Variants in DERA observed in about 807,000 individuals in gnomAD.
The protein encoded by DERA is deoxyribose-phosphate aldolase.
DERA carries 15 observed loss-of-function variants against 41.1 expected under a neutral mutation model. The observed-to-expected ratio is 0.37, with a 90% confidence interval of 0.24 to 0.56. The LOEUF is 0.56. Ranked by LOEUF, DERA falls within the 20% of genes least tolerant of loss-of-function variation. DERA has a pLI of 0.81. For synonymous variants in DERA, 139 were observed against 137.4 expected, an observed-to-expected ratio of 1.01 and a Z score of -0.08; for missense variants, 396 against 403.4, an observed-to-expected ratio of 0.98 and a Z score of 0.16.
At position 16,004,133 on chromosome 12, in the gene DERA, A is replaced by G. The variant is rs1592045799; in HGVS notation, c.637+21697A>G. On this transcript the variant is annotated intron_variant, in intron 6 of 8. Transcript: ENST00000428559. The surrounding 1 kb of genome is among the most constrained non-coding windows in gnomAD (Gnocchi z 4.2). The stretch of plus-strand genomic sequence containing the variant: ...AACTTTTGGAATGCAATCTATTTCT[A>G]GGTTGGAGAATGGCATTACTAAACT... 6.6e-6 allele frequency among the ~76,000 whole-genome samples: 1 copy of G among 152,216 alleles called. No individual in the cohort carries two copies. Among genetic ancestry groups the G allele is most frequent in the East Asian group, 1.9e-4 (1 of 5,194 alleles).
chr12:15,993,139 T>C lies in DERA; in HGVS notation c.637+10703T>C, dbSNP rs1214711501. Among the ~76,000 whole-genome samples, 1 of 151,630 alleles carries C rather than the reference T, an allele frequency of 6.6e-6. No individual in the cohort carries two copies. The highest frequency in any genetic ancestry group is 1.5e-5 in the Non-Finnish European group (1 of 67,890). On this transcript the variant is annotated intron_variant, in intron 6 of 8. Transcript: ENST00000428559. This position sits in a 1 kb window ranked among gnomAD's most constrained non-coding sequence, Gnocchi z 4.4. ...AAAATTCAACCCAATAAGATCAAAGTAATACAGAAACAATGAGAGGAAGCG... is the reference window on the plus strand; with the variant it reads ...AAAATTCAACCCAATAAGATCAAAGCAATACAGAAACAATGAGAGGAAGCG...
intron 1 of DERA, among the ~76,000 whole-genome samples, chr12:15,927,915 G>A (rs570385744): frequency 1.4e-4 from 21 of 152,110 alleles, no homozygotes; most frequent in Non-Finnish European, 2.6e-4. Context: ...AACCATATAA[G>A]GGAAGAAAAA....
chr12:15,938,484 TA>T lies in DERA; in HGVS notation c.32-18450del, dbSNP rs752360505. 3.5e-4 allele frequency among the ~76,000 whole-genome samples: 53 copies of T among 152,336 alleles called. No individual in the cohort carries two copies. The highest frequency in any genetic ancestry group is 6.8e-4 in the Non-Finnish European group (46 of 68,014). On this transcript the variant is annotated intron_variant, in intron 1 of 8. Transcript: ENST00000428559. This position sits in a 1 kb window ranked among gnomAD's most constrained non-coding sequence, Gnocchi z 4.1. ...CACAAGTTGAATTATTACTCTGCTT[TA>T]ATAAGCTTCTTAGCTGTATCAATCT... is the stretch of plus-strand genomic sequence containing the variant.
At chr12:15,951,296 G>C (rs780748132) in intron 1 of DERA, 1 of 152,316 alleles carries the variant, frequency 6.6e-6, no homozygotes, top group African/African-American at 2.4e-5. Flanking sequence ...CTGGGGGCCT[G>C]TGGTGAAGAT....
In DERA at chr12:15,966,472, A is replaced by G. The variant is rs1948623823; in HGVS notation, c.508+3525A>G. ...GAGTGAGATTCCCTCTCAAAAAAAA[A>G]AAAAAGAATTCTGCAAAGAGTTATA... On this transcript the variant is annotated intron_variant, in intron 5 of 8. Coordinates refer to ENST00000428559, the MANE Select transcript of DERA (RefSeq NM_015954.4). The surrounding 1 kb of genome is among the most constrained non-coding windows in gnomAD (Gnocchi z 5.1). Among the ~76,000 whole-genome samples, 1 of 152,134 alleles carries G rather than the reference A, an allele frequency of 6.6e-6. No individual in the cohort carries two copies. Among genetic ancestry groups the G allele is most frequent in the Non-Finnish European group, 1.5e-5 (1 of 68,026 alleles).
chr12:16,002,998 C>T (rs1948886265), intron 6 of DERA, among the ~76,000 whole-genome samples: 1 of 152,178 alleles, frequency 6.6e-6, no homozygotes, highest in Non-Finnish European at 1.5e-5. Flanking sequence ...AACCCCTTAT[C>T]ACCACAAACT....
rs1198007941 is a variant in DERA, at chr12:15,941,780, C to T, written c.32-15156C>T. Among the ~76,000 whole-genome samples, 1 of 152,224 alleles carries T rather than the reference C, an allele frequency of 6.6e-6. No individual in the cohort carries two copies. The highest frequency in any genetic ancestry group is 2.4e-5 in the African/African-American group (1 of 41,458). On this transcript the variant is annotated intron_variant, in intron 1 of 8. Coordinates refer to ENST00000428559, the MANE Select transcript of DERA (RefSeq NM_015954.4). The surrounding 1 kb of genome is among the most constrained non-coding windows in gnomAD (Gnocchi z 4.5). Reference sequence around the variant, plus strand: ...CTTTATCCACTTATTGATTCATGGGCACTTAGGTTGATTCCGTATCTTTGC... The same window carrying T: ...CTTTATCCACTTATTGATTCATGGGTACTTAGGTTGATTCCGTATCTTTGC...
In DERA at chr12:15,959,911, C is replaced by A. The variant is rs1261230085; in HGVS notation, c.360C>A (p.Ile120=). 4 of 1,545,958 alleles carry A rather than the reference C, an allele frequency of 2.6e-6. No homozygotes were observed. Among genetic ancestry groups the A allele is most frequent in the Admixed American group, 2.0e-5 (1 of 51,104 alleles). The change falls in exon 4 of 9, where the codon ATC becomes ATA. Residue 120 remains isoleucine (I), a synonymous_variant. Coordinates refer to ENST00000428559, the MANE Select transcript of DERA (RefSeq NM_015954.4). The surrounding 1 kb of genome is among the most constrained non-coding windows in gnomAD (Gnocchi z 4.5). ...CACTCAAGGCTGCAGGCTGTAATAT[C>A]CCTGTGGCATCAGGTAAAATGTGTT... The part of the protein sequence containing the change: ...VKALKAAGCN[I]PVASVAAGFP...
rs34468299 is a variant in DERA at position 15,996,157 on chromosome 12, A to ATGTGTGTGTGTGTG, written c.637+13743_637+13756dup. ...GCAGACACAGACACACACACAGAGC[A>ATGTGTGTGTGTGTG]TGTGTGTGTGTGTGTGTGTGTGTGT... On this transcript the variant is annotated intron_variant, in intron 6 of 8. Transcript: ENST00000428559. The surrounding 1 kb of genome is among the most constrained non-coding windows in gnomAD (Gnocchi z 4.7). Among the ~76,000 whole-genome samples, 9 of 145,140 alleles carry ATGTGTGTGTGTGTG rather than the reference A, an allele frequency of 6.2e-5. No individual in the cohort carries two copies. Among genetic ancestry groups the ATGTGTGTGTGTGTG allele is most frequent in the Admixed American group, 5.4e-4 (8 of 14,692 alleles).
chr12:16,025,831 C>T (rs529584611), intron 6 of DERA, among the ~76,000 whole-genome samples: 71 of 152,122 alleles, frequency 4.7e-4, no homozygotes, highest in Non-Finnish European at 7.4e-4. Flanking sequence ...ATTTAAAAGA[C>T]TGAAAATCAC....
intron 6 of DERA, 65 bp from the exon 7 acceptor site, chr12:16,032,477 A>G (rs369944805): frequency 1.1e-6 from 1 of 915,224 alleles, no homozygotes; most frequent in East Asian, 2.9e-5. Flanking sequence ...CATTTCTCCC[A>G]CTGACTCAAA....
At chr12:16,029,758 C>T (rs1405181318) in intron 6 of DERA, among the ~76,000 whole-genome samples, 1 of 151,840 alleles carries the variant, frequency 6.6e-6, no homozygotes, top group Non-Finnish European at 1.5e-5. Flanking sequence ...ACTGTTGCTG[C>T]CATAGTAGAT....
rs1311780986 is a variant in DERA, at chr12:15,981,299, G to T, written c.509-1009G>T. Among the ~76,000 whole-genome samples the T allele has an allele frequency of 1.3e-5, 2 of 152,104 alleles. No individual in the cohort carries two copies. Among genetic ancestry groups the T allele is most frequent in the Non-Finnish European group, 2.9e-5 (2 of 68,028 alleles). On this transcript the variant is annotated intron_variant, in intron 5 of 8. Transcript: ENST00000428559. The surrounding 1 kb of genome is among the most constrained non-coding windows in gnomAD (Gnocchi z 6.1). ...AGAGGCGGAGGTTGCAGTGAGCTGA[G>T]ATCACGCCACTGCACTCCAGCCTGG...
Position 15,958,177 on chromosome 12 carries a change from G to A in DERA, c.130-11G>A. 6.5e-7 allele frequency: 1 copy of A among 1,535,158 alleles called. No homozygotes were observed. On this transcript the variant is annotated splice_polypyrimidine_tract_variant and intron_variant, in intron 2 of 8. Transcript: ENST00000428559. ...TTAAATTTACTTTGTTTTCACTTTT[G>A]TTTAAACCAGGCTGCTTGGCTCCTG...
At position 15,999,070 on chromosome 12, in the gene DERA, C is replaced by A. The variant is rs1047312429; in HGVS notation, c.637+16634C>A. On this transcript the variant is annotated intron_variant, in intron 6 of 8. Transcript: ENST00000428559. The surrounding 1 kb of genome is among the most constrained non-coding windows in gnomAD (Gnocchi z 5.3). ...GGAGTTCCCCAATTCCAAACTGTGT[C>A]GGGGAATGGGAGGAAATGAGGGATG... Among the ~76,000 whole-genome samples, 1 of 151,978 alleles carries A rather than the reference C, an allele frequency of 6.6e-6. No individual in the cohort carries two copies. The highest frequency in any genetic ancestry group is 2.4e-5 in the African/African-American group (1 of 41,348).
At position 15,938,453 on chromosome 12, in the gene DERA, A is replaced by C. The variant is rs1018041352; in HGVS notation, c.32-18483A>C. 4.6e-5 allele frequency among the ~76,000 whole-genome samples: 7 copies of C among 152,202 alleles called. No homozygotes were observed. The highest frequency in any genetic ancestry group is 1.4e-4 in the African/African-American group (6 of 41,450). Reference sequence around the variant, plus strand: ...GTATTTATATTATCTCAGCATTATAAAACAACACAAGTTGAATTATTACTC... The same window carrying C: ...GTATTTATATTATCTCAGCATTATACAACAACACAAGTTGAATTATTACTC... On this transcript the variant is annotated intron_variant, in intron 1 of 8. Coordinates refer to ENST00000428559, the MANE Select transcript of DERA (RefSeq NM_015954.4). The surrounding 1 kb of genome is among the most constrained non-coding windows in gnomAD (Gnocchi z 4.1).
intron 1 of DERA, among the ~76,000 whole-genome samples, chr12:15,932,590 G>C (rs776098670): frequency 4.0e-5 from 6 of 151,814 alleles, no homozygotes; most frequent in Non-Finnish European, 8.8e-5. Context: ...GTTGCAGTGA[G>C]CAATGATTGT....
chr12:16,034,274 T>C (rs187127060), intron 7 of DERA, among the ~76,000 whole-genome samples: 1 of 152,192 alleles, frequency 6.6e-6, no homozygotes, highest in African/African-American at 2.4e-5. Context: ...CTGTGTTAAA[T>C]GCTAGGAATG....
chr12:16,015,362 A>G (rs1948974010), intron 6 of DERA, among the ~76,000 whole-genome samples: 1 of 152,180 alleles, frequency 6.6e-6, no homozygotes, highest in Admixed American at 6.5e-5. Flanking sequence ...GGTTTCACCT[A>G]TGCTGTTCTT....
Sources: gnomAD v4.1 joint callset for allele counts (sites outside exome capture counted in the v4.1 genomes callset) on GRCh38, gnomAD v4.1.1 for gene constraint, Gnocchi (gnomAD v3.1) non-coding constraint, MANE v1.5 for transcripts, NCBI Gene and HGNC (gene_info 2026-07-23, HGNC 2026-07-21) for gene names.